BTRC: variants seen among roughly 807,000 people sequenced by gnomAD.
BTRC encodes beta-transducin repeat containing E3 ubiquitin protein ligase, also known as F-box/WD repeat-containing protein 1A.
A neutral mutation model predicts 85.5 loss-of-function variants in BTRC; 42 were observed. The observed-to-expected ratio is 0.49, with a 90% CI of 0.38 to 0.64. The LOEUF (loss-of-function observed/expected upper bound fraction) is 0.64. Among genes scored for constraint, BTRC ranks in the 30% least tolerant of loss-of-function variants. BTRC has a pLI of 0.00. For missense variants in BTRC, 594 were observed against 743.5 expected (o/e 0.80, Z 2.34); for synonymous variants, 255 against 263.3 (o/e 0.97, Z 0.30).
At chr10:101,405,114 G>A (rs1943588798) in intron 1 of BTRC, among the ~76,000 whole-genome samples, 1 of 151,726 alleles carries the variant, frequency 6.6e-6, no homozygotes, top group South Asian at 2.1e-4. Flanking sequence ...ATTTTCTTGA[G>A]TTCCTCCCTC....
At chr10:101,497,686 A>G (rs1399519488) in intron 4 of BTRC, among the ~76,000 whole-genome samples, 1 of 150,266 alleles carries the variant, frequency 6.7e-6, no homozygotes, top group Non-Finnish European at 1.5e-5. Flanking sequence ...AGGCTGGGTG[A>G]TAGAGTGAGA....
intron 1 of BTRC, among the ~76,000 whole-genome samples, chr10:101,377,902 G>A (rs1017794045): frequency 1.3e-5 from 2 of 151,662 alleles, no homozygotes; most frequent in Non-Finnish European, 2.9e-5. Flanking sequence ...GACCTTTGGT[G>A]TGTAGAACAC....
At position 101,440,714 on chromosome 10, in the gene BTRC, C is replaced by T. The variant is rs150683609; in HGVS notation, c.156+10262C>T. Among the ~76,000 whole-genome samples the T allele has an allele frequency of 3.4e-3, 518 of 151,922 alleles. 1 individual carries two copies. Among genetic ancestry groups the T allele is most frequent in the Middle Eastern group, 0.014 (4 of 294 alleles). The stretch of plus-strand genomic sequence containing the variant: ...TCCAGCCTGGGTTGACAGAGTGAGA[C>T]TCCATCTAAAAAAGAAAAAAAAAGG... On this transcript the variant is annotated intron_variant, in intron 2 of 14. Coordinates refer to ENST00000370187, the MANE Select transcript of BTRC (RefSeq NM_033637.4).
intron 3 of BTRC, among the ~76,000 whole-genome samples, chr10:101,475,127 A>G (rs1049902446): frequency 1.3e-5 from 2 of 152,242 alleles, no homozygotes; most frequent in Non-Finnish European, 2.9e-5. Context: ...ACATGCACCA[A>G]TATTTAAATC....
chr10:101,366,920 A>ATATATT (rs1942435970), intron 1 of BTRC, among the ~76,000 whole-genome samples: 7 of 3,124 alleles, frequency 2.2e-3, no homozygotes, highest in African/African-American at 3.6e-3. Flanking sequence ...ATATATATTT[A>ATATATT]TATATATTTA....
intron 14 of BTRC, among the ~76,000 whole-genome samples, chr10:101,552,490 G>T (rs1242062947): frequency 6.6e-6 from 1 of 151,412 alleles, no homozygotes; most frequent in African/African-American, 2.4e-5. Flanking sequence ...CACCGCACCC[G>T]GCCTGTCTCT....
chr10:101,360,748 C>T (rs939590563), intron 1 of BTRC, among the ~76,000 whole-genome samples: 16 of 152,270 alleles, frequency 1.1e-4, no homozygotes, highest in Admixed American at 9.2e-4. Flanking sequence ...CTTTGTGCCT[C>T]GGCCTCTCCA....
At chr10:101,505,296 G>T (rs1589563809) in intron 4 of BTRC, among the ~76,000 whole-genome samples, 2 of 149,664 alleles carry the variant, frequency 1.3e-5, no homozygotes, top group African/African-American at 4.9e-5. Context: ...GAGCCACCAT[G>T]CCTGGCCGTT....
At chr10:101,371,969 C>G (rs551022004) in intron 1 of BTRC, among the ~76,000 whole-genome samples, 1 of 151,954 alleles carries the variant, frequency 6.6e-6, no homozygotes, top group African/African-American at 2.4e-5. Flanking sequence ...TCTTTTTTTC[C>G]TTTTCTTTCT....
intron 4 of BTRC, among the ~76,000 whole-genome samples, chr10:101,480,414 T>C (rs1049917798): frequency 1.3e-5 from 2 of 152,214 alleles, no homozygotes; most frequent in African/African-American, 4.8e-5. Context: ...ACTAATTTTT[T>C]TCTTATAGGG....
intron 1 of BTRC, among the ~76,000 whole-genome samples, chr10:101,365,910 A>C (rs1234342956): frequency 6.6e-6 from 1 of 152,210 alleles, no homozygotes; most frequent in African/African-American, 2.4e-5. Flanking sequence ...TAGCAAGTGT[A>C]CTGGCCAGTG....
intron 1 of BTRC, among the ~76,000 whole-genome samples, chr10:101,371,710 A>G (rs900620056): frequency 6.6e-6 from 1 of 152,108 alleles, no homozygotes; most frequent in African/African-American, 2.4e-5. Context: ...TAATGCTGCT[A>G]TTTGTATATG....
chr10:101,382,809 A>T (rs1024958332), intron 1 of BTRC, among the ~76,000 whole-genome samples: 2 of 151,880 alleles, frequency 1.3e-5, no homozygotes, highest in African/African-American at 4.8e-5. Context: ...TTTCTTTCTC[A>T]ATTTTGAAAT....
At chr10:101,550,354 G>A (rs1327557535) in intron 13 of BTRC, among the ~76,000 whole-genome samples, 2 of 151,302 alleles carry the variant, frequency 1.3e-5, no homozygotes, top group South Asian at 2.1e-4. Flanking sequence ...GAGTGATCTC[G>A]GCTCACTGCA....
chr10:101,448,561 A>T (rs1040639416), intron 2 of BTRC, among the ~76,000 whole-genome samples: 1 of 152,100 alleles, frequency 6.6e-6, no homozygotes, highest in African/African-American at 2.4e-5. Context: ...TTAAGCCAAT[A>T]CTACCTTAGG....
At position 101,534,803 on chromosome 10, in the gene BTRC, A is replaced by G. The variant is rs141008374; in HGVS notation, c.1240A>G (p.Thr414Ala). The G allele has an allele frequency of 1.3e-3, 2,032 of 1,614,156 alleles. 21 individuals are homozygous for G. In the African/African-American group the frequency reaches 0.024, roughly 19 times the overall value. The stretch of plus-strand genomic sequence containing the variant: ...TGCTGTATGGGATATGGCCTCCCCA[A>G]CTGACATTACCCTCCGGAGGGTGCT... Reference protein sequence around the residue: ...SIAVWDMASPTDITLRRVLVG... With the variant: ...SIAVWDMASPADITLRRVLVG... Residue 414 changes from threonine (T) to alanine (A), a missense_variant, in exon 10 of 15, where the codon ACT (threonine) becomes GCT (alanine). Physicochemically the swap from Thr to Ala is moderately conservative, Grantham distance 58. Coordinates refer to ENST00000370187, the MANE Select transcript of BTRC (RefSeq NM_033637.4).
At chr10:101,481,560 GT>G (rs372873543) in intron 4 of BTRC, among the ~76,000 whole-genome samples, 26 of 117,842 alleles carry the variant, frequency 2.2e-4, no homozygotes, top group East Asian at 4.3e-4. Context: ...ATGATGTGGA[GT>G]TTTTTTTTTT....
At chr10:101,461,201 A>G (rs1945216029) in intron 2 of BTRC, among the ~76,000 whole-genome samples, 1 of 152,138 alleles carries the variant, frequency 6.6e-6, no homozygotes, top group African/African-American at 2.4e-5. Flanking sequence ...CGCACCTAGC[A>G]CAACTGCAGG....
Position 101,429,913 on chromosome 10 carries a change from T to TA in BTRC, c.49-431dup, listed in dbSNP as rs1463887064. Among the ~76,000 whole-genome samples the TA allele has an allele frequency of 6.6e-5, 10 of 152,234 alleles. No individual in the cohort carries two copies. In the South Asian group the frequency reaches 2.1e-3, roughly 32 times the overall value. On this transcript the variant is annotated intron_variant, in intron 1 of 14. Transcript: ENST00000370187. ...AACTGTGGTGTTTTGTTTTCTAATT[T>TA]ACCATTCCTAATATTGTAATGTTTC...
Sources: gnomAD v4.1 joint callset for allele counts (sites outside exome capture counted in the v4.1 genomes callset) on GRCh38, gnomAD v4.1.1 for gene constraint, MANE v1.5 for transcripts, NCBI Gene and HGNC (gene_info 2026-07-23, HGNC 2026-07-21) for gene names.